The following CENPO variants were observed in gnomAD, a reference collection of about 807,000 sequenced individuals.
CENPO encodes the protein centromere protein O, also known as centromeric protein O.
In CENPO, 30 loss-of-function variants were observed where a neutral mutation model predicts 36.1. The ratio of observed to expected loss-of-function variants is 0.83; its 90% CI spans 0.62 to 1.13. The LOEUF is 1.13. Ranked by LOEUF, CENPO falls within the 50% of genes most tolerant of loss-of-function variation. The pLI, the probability that CENPO is intolerant of heterozygous loss-of-function variation, is 0.00. For missense variants in CENPO, 349 were observed against 357.8 expected (o/e 0.98, Z 0.20); for synonymous variants, 171 against 142.3 (o/e 1.20, Z -1.44).
rs959778052 is a variant in CENPO at position 24,821,035 on chromosome 2, G to A, written c.*1717G>A. 8 of 813,228 alleles carry A rather than the reference G, an allele frequency of 9.8e-6. No homozygotes were observed. In the East Asian group the frequency reaches 2.0e-4, roughly 21 times the overall value. 50.4% of individuals were successfully genotyped at this position (813,228 alleles called of 1,614,324 possible). A position where few individuals can be genotyped will look rare whatever the true frequency, so the allele number is the denominator to read the frequency against. ...TCCTGTTTATCCGTGTGCTTGTTAG[G>A]TGTCAGCCGCCACCCCCCCCCCATA... On this transcript the variant is annotated 3_prime_UTR_variant, in exon 8 of 8. Transcript: ENST00000380834.
chr2:24,795,739 G>C (rs974315429), intron 2 of CENPO, among the ~76,000 whole-genome samples: 1 of 152,134 alleles, frequency 6.6e-6, no homozygotes, highest in Non-Finnish European at 1.5e-5. Flanking sequence ...CTATGTGTGC[G>C]TGCTTTTCAG....
chr2:24,821,048 C>CCA lies in CENPO; in HGVS notation c.*1731_*1732insAC, dbSNP rs1037400531. On this transcript the variant is annotated 3_prime_UTR_variant, in exon 8 of 8. Transcript: ENST00000380834. ...TGTGCTTGTTAGGTGTCAGCCGCCA[C>CCA]CCCCCCCCCATATGCAGATTTACTC... The CCA allele has an allele frequency of 4.8e-5, 10 of 210,350 alleles. No homozygotes were observed. The highest frequency in any genetic ancestry group is 2.0e-4 in the South Asian group (2 of 10,012). The allele number at this position is 210,350 out of a possible 1,614,324, so 13.0% of individuals were successfully genotyped here.
In CENPO at chr2:24,816,672, G is replaced by T. The variant is rs772352937; in HGVS notation, c.621G>T (p.Gly207=). ...GTGACTTTGCAGCCCTCCTGACTGG[G>T]CCCTTGCAGAGAAACCCACTGTGTA... ...LQSDFAALLT[G]PLQRNPLCNL... Residue 207 remains glycine (G), a synonymous_variant, in exon 6 of 8, where the codon GGG becomes GGT. Coordinates refer to ENST00000380834, the MANE Select transcript of CENPO (RefSeq NM_001322101.2). 7 of 1,610,782 alleles carry T rather than the reference G, an allele frequency of 4.3e-6. No homozygotes were observed. In the Admixed American group the frequency reaches 1.0e-4, roughly 23 times the overall value.
rs1667890204 is a variant in CENPO at position 24,822,325 on chromosome 2, T to C, written c.*3007T>C. On this transcript the variant is annotated 3_prime_UTR_variant, in exon 8 of 8. Coordinates refer to ENST00000380834, the MANE Select transcript of CENPO (RefSeq NM_001322101.2). The stretch of plus-strand genomic sequence containing the variant: ...GAACAGCAGGGGGTTGTGTGTCTGT[T>C]CTGTTTCTCTGCTTGCCGAACTTTC... 2.5e-6 allele frequency: 2 copies of C among 806,778 alleles called. No individual in the cohort carries two copies. The highest frequency in any genetic ancestry group is 2.6e-5 in the Admixed American group (1 of 38,716). The allele number at this position is 806,778 out of a possible 1,614,324, so 50.0% of individuals were successfully genotyped here. A position where few individuals can be genotyped will look rare whatever the true frequency, so the allele number is the denominator to read the frequency against.
intron 3 of CENPO, among the ~76,000 whole-genome samples, chr2:24,811,088 C>T (rs1402109341): frequency 2.7e-5 from 4 of 150,732 alleles, no homozygotes; most frequent in South Asian, 2.1e-4. Context: ...GGATTACAGA[C>T]GTGCACCACC....
At chr2:24,794,034 T>C in intron 2 of CENPO, 69 bp downstream of exon 2, 1 of 1,240,080 alleles carries the variant, frequency 8.1e-7, no homozygotes, top group Non-Finnish European at 1.2e-6. Flanking sequence ...GAGAGCCCTT[T>C]CCTCCTGGAA....
chr2:24,798,920 C>CA (rs1666034568), intron 2 of CENPO, among the ~76,000 whole-genome samples: 1 of 147,660 alleles, frequency 6.8e-6, no homozygotes, highest in Non-Finnish European at 1.5e-5. Context: ...ATGAACCCTA[C>CA]AAAATAGATG....
At chr2:24,812,902 G>GTTTTTT (rs35639594) in intron 3 of CENPO, among the ~76,000 whole-genome samples, 14 of 105,698 alleles carry the variant, frequency 1.3e-4, no homozygotes, top group Non-Finnish European at 1.7e-4. Flanking sequence ...TATGCCTGTA[G>GTTTTTT]TTTTTTTTTT....
chr2:24,817,340 G>A (rs930653224), intron 6 of CENPO, among the ~76,000 whole-genome samples: 4 of 152,088 alleles, frequency 2.6e-5, no homozygotes, highest in Admixed American at 2.0e-4. Flanking sequence ...AATGTTTTTA[G>A]GAGGCAGAAA....
chr2:24,821,807 A>C lies in CENPO; in HGVS notation c.*2489A>C. ...GCAGCCACGCTAGCTCTGACTTGCC[A>C]CTGTGACAAAGTTCACGTAGCAGGT... On this transcript the variant is annotated 3_prime_UTR_variant, in exon 8 of 8. Coordinates refer to ENST00000380834, the MANE Select transcript of CENPO (RefSeq NM_001322101.2). 1.0e-6 allele frequency: 1 copy of C among 1,002,638 alleles called. No homozygotes were observed. The highest frequency in any genetic ancestry group is 1.4e-6 in the Non-Finnish European group (1 of 698,594). 62.1% of individuals were successfully genotyped at this position (1,002,638 alleles called of 1,614,324 possible).
Position 24,819,991 on chromosome 2 carries a change from C to A in CENPO, c.*673C>A, listed in dbSNP as rs775801797. 3.1e-6 allele frequency: 5 copies of A among 1,613,282 alleles called. No homozygotes were observed. The African/African-American group carries it at 6.7e-5, about 22-fold the overall frequency. Reference sequence around the variant, plus strand: ...ACAGAGGGGCCATTGGGGAAGGTGGCTAGCTTATCCCGCCCCTTCAAGAAG... The same window carrying A: ...ACAGAGGGGCCATTGGGGAAGGTGGATAGCTTATCCCGCCCCTTCAAGAAG... On this transcript the variant is annotated 3_prime_UTR_variant, in exon 8 of 8. Transcript: ENST00000380834.
At position 24,821,365 on chromosome 2, in the gene CENPO, A is replaced by AGGTCTTTC; in HGVS notation, c.*2048_*2055dup. The stretch of plus-strand genomic sequence containing the variant: ...AGTCATCTAGAGTCGTCTGGACTAA[A>AGGTCTTTC]GGTCTTTCAGGTCTCCTTGCCCTGT... On this transcript the variant is annotated 3_prime_UTR_variant, in exon 8 of 8. Coordinates refer to ENST00000380834, the MANE Select transcript of CENPO (RefSeq NM_001322101.2). 8.7e-7 allele frequency: 1 copy of AGGTCTTTC among 1,147,442 alleles called. No homozygotes were observed. Among genetic ancestry groups the AGGTCTTTC allele is most frequent in the East Asian group, 2.4e-5 (1 of 41,854 alleles). 71.1% of individuals were successfully genotyped at this position (1,147,442 alleles called of 1,614,324 possible). A position where few individuals can be genotyped will look rare whatever the true frequency, so the allele number is the denominator to read the frequency against.
At chr2:24,805,282 A>G (rs1666347240) in intron 3 of CENPO, among the ~76,000 whole-genome samples, 1 of 152,130 alleles carries the variant, frequency 6.6e-6, no homozygotes, top group Admixed American at 6.5e-5. Context: ...TTCCTCCTGT[A>G]GCTCGGAGTA....
chr2:24,818,328 A>G (rs991384120), intron 7 of CENPO, among the ~76,000 whole-genome samples: 1 of 152,226 alleles, frequency 6.6e-6, no homozygotes, highest in Non-Finnish European at 1.5e-5. Context: ...ATCTAAATAA[A>G]TGGAAAAATA....
rs948747527 is a variant in CENPO at position 24,808,569 on chromosome 2, A to G, written c.217-5807A>G. 2.3e-4 allele frequency among the ~76,000 whole-genome samples: 35 copies of G among 152,132 alleles called. 1 individual carries two copies. The highest frequency in any genetic ancestry group is 5.9e-4 in the Admixed American group (9 of 15,268). ...GAAGAGTTTTAATCATGATATTATG[A>G]TATTAAATTTTCTCAAATATTTTTA... On this transcript the variant is annotated intron_variant, in intron 3 of 7. Coordinates refer to ENST00000380834, the MANE Select transcript of CENPO (RefSeq NM_001322101.2).
intron 3 of CENPO, among the ~76,000 whole-genome samples, chr2:24,812,388 C>T (rs1666733312): frequency 6.6e-6 from 1 of 151,750 alleles, no homozygotes; most frequent in African/African-American, 2.4e-5. Context: ...ATCAATGTGG[C>T]TAAGCATGAT....
At chr2:24,818,047 A>G (rs1166188615) in intron 7 of CENPO, among the ~76,000 whole-genome samples, 2 of 152,200 alleles carry the variant, frequency 1.3e-5, no homozygotes, top group African/African-American at 4.8e-5. Flanking sequence ...GTATTAGTTG[A>G]TCATACATTT....
chr2:24,794,176 C>G (rs991955847), intron 2 of CENPO, among the ~76,000 whole-genome samples: 1 of 152,176 alleles, frequency 6.6e-6, no homozygotes, highest in Non-Finnish European at 1.5e-5. Context: ...CCTTTTGAAA[C>G]GGATAAGTTG....
intron 2 of CENPO, among the ~76,000 whole-genome samples, chr2:24,798,975 CTTTTT>C (rs70947846): frequency 1.7e-5 from 2 of 114,526 alleles, no homozygotes; most frequent in African/African-American, 7.9e-5. Context: ...CTGGGGCTTC[CTTTTT>C]TTTTTTTTTT....
Sources: gnomAD v4.1 joint callset for allele counts (sites outside exome capture counted in the v4.1 genomes callset) on GRCh38, gnomAD v4.1.1 for gene constraint, MANE v1.5 for transcripts, NCBI Gene and HGNC (gene_info 2026-07-23, HGNC 2026-07-21) for gene names.